TPR: variants seen among roughly 807,000 people sequenced by gnomAD.
TPR encodes nucleoprotein TPR.
A neutral mutation model predicts 316.1 loss-of-function variants in TPR; 51 were observed. That is an observed-to-expected ratio of 0.16 (90% CI 0.13 to 0.20). The LOEUF is 0.20. Among genes scored for constraint, TPR ranks in the 10% least tolerant of loss-of-function variants. The probability of loss-of-function intolerance (pLI) is 1.00; values close to 1 mark genes in which losing one functional copy is unlikely to be tolerated. For synonymous variants in TPR, 981 were observed against 914.7 expected (o/e 1.07, Z -1.31); for missense variants, 2,272 against 2,754.8 (o/e 0.82, Z 3.92).
At chr1:186,324,597 G>A (rs75158977) in intron 42 of TPR, among the ~76,000 whole-genome samples, 17,755 of 152,130 alleles carry the variant, frequency 0.12, 1,289 homozygotes, top group Non-Finnish European at 0.16. Context: ...TAGCTACTTA[G>A]TAAGCTATGC....
intron 49 of TPR, among the ~76,000 whole-genome samples, chr1:186,316,853 G>A (rs912190882): frequency 6.6e-6 from 1 of 152,224 alleles, no homozygotes; most frequent in African/African-American, 2.4e-5. Flanking sequence ...ATGATACACA[G>A]TTAAGTGTTC....
chr1:186,317,336 T>C (rs1368700529), intron 49 of TPR, 146 bp downstream of exon 49: 1 of 661,278 alleles, frequency 1.5e-6, no homozygotes, highest in East Asian at 2.8e-5. Flanking sequence ...TAAACCAAGT[T>C]CCTTTTAATA....
chr1:186,345,499 C>T, intron 24 of TPR, 81 bp downstream of exon 24: 1 of 1,097,522 alleles, frequency 9.1e-7, no homozygotes, highest in Admixed American at 1.9e-5. Flanking sequence ...TAAGGTCCAC[C>T]AGTTCTTATA....
At chr1:186,329,479 GGT>G (rs757458602) in intron 39 of TPR, among the ~76,000 whole-genome samples, 11 of 152,034 alleles carry the variant, frequency 7.2e-5, no homozygotes, top group Non-Finnish European at 1.5e-4. Context: ...CATATACAAA[GGT>G]GTATACACAC....
At chr1:186,323,240 CTTAAAAG>C (rs1257990382) in intron 43 of TPR, among the ~76,000 whole-genome samples, 7 of 152,128 alleles carry the variant, frequency 4.6e-5, no homozygotes, top group African/African-American at 4.8e-5. Context: ...CTTCATTAAA[CTTAAAAG>C]TTAAAATATG....
At position 186,356,360 on chromosome 1, in the gene TPR, T is replaced by C. The variant is rs761918108; in HGVS notation, c.1814A>G (p.Asp605Gly). The C allele has an allele frequency of 6.2e-7, 1 of 1,613,912 alleles. No individual in the cohort carries two copies. The highest frequency in any genetic ancestry group is 1.1e-5 in the South Asian group (1 of 91,034). ...CATATCACGCTGACGAACTATGGAATCAACAAGCTGCATTTGATGCTGTCG... is the reference window on the plus strand; with the variant it reads ...CATATCACGCTGACGAACTATGGAACCAACAAGCTGCATTTGATGCTGTCG... ...KSRQHQMQLV[D>G]SIVRQRDMYR... The change falls in exon 15 of 51, where the codon GAT (aspartate) becomes GGT (glycine). Residue 605 changes from aspartate (D) to glycine (G), a missense_variant. Transcript: ENST00000367478.
At position 186,360,383 on chromosome 1, in the gene TPR, A is replaced by G. The variant is rs1381607073; in HGVS notation, c.1100-19T>C. 7.5e-6 allele frequency: 12 copies of G among 1,607,218 alleles called. No individual in the cohort carries two copies. Among genetic ancestry groups the G allele is most frequent in the South Asian group, 1.1e-5 (1 of 90,068 alleles). ...ATGGCTCCTGTGCCAACAAATACAC[A>G]TCTAGTATAATTTGTAAAATTCCAA... On this transcript the variant is annotated intron_variant, in intron 10 of 50. Coordinates refer to ENST00000367478, the MANE Select transcript of TPR (RefSeq NM_003292.3).
In TPR at chr1:186,356,513, T is replaced by C. The variant is rs549199816; in HGVS notation, c.1725-64A>G. 25 of 1,443,844 alleles carry C rather than the reference T, an allele frequency of 1.7e-5. No homozygotes were observed. In the South Asian group the frequency reaches 2.6e-4, roughly 15 times the overall value. 89.4% of individuals were successfully genotyped at this position (1,443,844 alleles called of 1,614,324 possible). ...AGAGTTAACTGATTGTAATTTCTAC[T>C]GTAATTAACCAAGCATCTTTGCCTA... On this transcript the variant is annotated intron_variant, in intron 14 of 50. Coordinates refer to ENST00000367478, the MANE Select transcript of TPR (RefSeq NM_003292.3).
At chr1:186,355,892 A>G (rs1659013738) in intron 15 of TPR, 124 bp from the exon 16 acceptor site, 1 of 1,189,378 alleles carries the variant, frequency 8.4e-7, no homozygotes, top group Admixed American at 2.6e-5. Context: ...ATGAAACAAT[A>G]AGATTATAGG....
chr1:186,330,150 C>T (rs1437257488), intron 39 of TPR, among the ~76,000 whole-genome samples: 3 of 152,108 alleles, frequency 2.0e-5, no homozygotes, highest in Non-Finnish European at 4.4e-5. Context: ...ATTTTCTCAA[C>T]TAAGACAAAC....
intron 38 of TPR, 65 bp from the exon 39 acceptor site, chr1:186,331,646 G>T: frequency 1.9e-6 from 2 of 1,075,978 alleles, no homozygotes; most frequent in Non-Finnish European, 2.6e-6. Context: ...ACCTGTTTTT[G>T]TTAGTTCTCT....
Position 186,340,438 on chromosome 1 carries a change from C to CT in TPR, c.4020+589dup, listed in dbSNP as rs897100927. 7.5e-3 allele frequency among the ~76,000 whole-genome samples: 1,097 copies of CT among 145,570 alleles called. 2 individuals are homozygous for CT. The highest frequency in any genetic ancestry group is 0.013 in the Non-Finnish European group (830 of 65,876). On this transcript the variant is annotated intron_variant, in intron 29 of 50. Transcript: ENST00000367478. The stretch of plus-strand genomic sequence containing the variant: ...ATAAATTATACAGATTCCTATTTTG[C>CT]TTTTTTTTTTTGAGACAGGGTCTCC...
chr1:186,358,036 T>C (rs529551424), intron 13 of TPR, among the ~76,000 whole-genome samples: 170 of 152,228 alleles, frequency 1.1e-3, no homozygotes, highest in Non-Finnish European at 1.3e-3. Flanking sequence ...CATTTGTGCA[T>C]TGCGTGGATG....
intron 4 of TPR, among the ~76,000 whole-genome samples, chr1:186,365,840 T>C (rs1241417330): frequency 2.0e-5 from 3 of 152,218 alleles, no homozygotes; most frequent in Non-Finnish European, 4.4e-5. Context: ...GGTTTCAAGA[T>C]ACGGACCTTG....
At chr1:186,347,596 C>A in intron 21 of TPR, 138 bp from the exon 22 acceptor site, 2 of 859,758 alleles carry the variant, frequency 2.3e-6, no homozygotes, top group South Asian at 4.0e-5. Context: ...ATGCCGAATA[C>A]CAAAATAAAA....
chr1:186,327,623 C>T lies in TPR; in HGVS notation c.5726G>A (p.Ser1909Asn). The part of the protein sequence containing the change: ...TQGDYTPMED[S>N]EETSQSLQID... ...TTGTAGAGACTGAGAGGTTTCTTCA[C>T]TGTCTTCCATAGGTGTATAATCTCC... Residue 1909 changes from serine (S) to asparagine (N), a missense_variant, in exon 40 of 51, where the codon AGT becomes AAT. By Grantham distance (46) the Ser-to-Asn change is conservative. This residue lies in a region of TPR where 435 missense variants were observed against 461.1 expected (regional missense o/e 0.94). Coordinates refer to ENST00000367478, the MANE Select transcript of TPR (RefSeq NM_003292.3). The T allele has an allele frequency of 1.2e-6, 2 of 1,613,090 alleles. No homozygotes were observed. Among genetic ancestry groups the T allele is most frequent in the Non-Finnish European group, 1.7e-6 (2 of 1,179,726 alleles).
chr1:186,349,059 T>C (rs564514752), intron 21 of TPR, among the ~76,000 whole-genome samples: 3 of 152,198 alleles, frequency 2.0e-5, no homozygotes, highest in Admixed American at 6.5e-5. Flanking sequence ...TTTGAAACTA[T>C]CATGAGTTGA....
Position 186,357,571 on chromosome 1 carries a change from C to A in TPR, c.1550G>T (p.Arg517Leu). The change falls in exon 14 of 51, where the codon CGT becomes CTT. Residue 517 changes from arginine to leucine, a missense_variant. By Grantham distance (102) the Arg-to-Leu change is moderately radical. This residue lies in a region of TPR where 549 missense variants were observed against 598.6 expected (regional missense o/e 0.92). Coordinates refer to ENST00000367478, the MANE Select transcript of TPR (RefSeq NM_003292.3). Reference protein sequence around the residue: ...LEEARGNHVIRDEEVSSADIS... With the variant: ...LEEARGNHVILDEEVSSADIS... ...ATCAGCAGAGCTTACTTCCTCATCA[C>A]GAATTACGTGGTTACCCCTTGCTTC... 6.2e-7 allele frequency: 1 copy of A among 1,613,998 alleles called. No homozygotes were observed. The highest frequency in any genetic ancestry group is 8.5e-7 in the Non-Finnish European group (1 of 1,180,006).
intron 23 of TPR, 125 bp downstream of exon 23, chr1:186,346,010 T>C: frequency 9.1e-7 from 1 of 1,098,520 alleles, no homozygotes; most frequent in South Asian, 1.8e-5. Context: ...AACATAAAAC[T>C]AAAATTTTGC....
Sources: gnomAD v4.1 joint callset for allele counts (sites outside exome capture counted in the v4.1 genomes callset) on GRCh38, gnomAD v4.1.1 for gene constraint, gnomAD v4.1.1 regional missense constraint, MANE v1.5 for transcripts, NCBI Gene and HGNC (gene_info 2026-07-23, HGNC 2026-07-21) for gene names.